The following KCNQ3 variants were observed in gnomAD, a reference collection of about 807,000 sequenced individuals.
The protein encoded by KCNQ3 is potassium voltage-gated channel subfamily KQT member 3.
In KCNQ3, 30 loss-of-function variants were observed where a neutral mutation model predicts 92.5. The ratio of observed to expected loss-of-function variants is 0.32; its 90% CI spans 0.24 to 0.44. The LOEUF is 0.44. KCNQ3 is among the 20% of genes least tolerant of loss of function. The pLI is 1.00. For synonymous variants in KCNQ3, 450 were observed against 468.8 expected (o/e 0.96, Z 0.52); for missense variants, 913 against 1,140.3 (o/e 0.80, Z 2.87).
chr8:132,249,874 G>A (rs376453057), intron 1 of KCNQ3, among the ~76,000 whole-genome samples: 90 of 152,294 alleles, frequency 5.9e-4, no homozygotes, highest in African/African-American at 2.1e-3. Flanking sequence ...GGGACCCAGT[G>A]CACCCTCCGC....
At chr8:132,367,551 A>G (rs1366410486) in intron 1 of KCNQ3, among the ~76,000 whole-genome samples, 1 of 152,246 alleles carries the variant, frequency 6.6e-6, no homozygotes. Flanking sequence ...TTAAGCTACT[A>G]GGTGGACTTT....
chr8:132,201,176 G>A (rs770052862), intron 1 of KCNQ3, among the ~76,000 whole-genome samples: 1 of 152,056 alleles, frequency 6.6e-6, no homozygotes, highest in Non-Finnish European at 1.5e-5. Flanking sequence ...TCATCACCTC[G>A]TAAAGGTCCC....
intron 8 of KCNQ3, among the ~76,000 whole-genome samples, chr8:132,168,138 C>A (rs1419152046): frequency 6.6e-6 from 1 of 152,174 alleles, no homozygotes; most frequent in Non-Finnish European, 1.5e-5. Flanking sequence ...GTCCCTTTTG[C>A]CTGTTCTCTT....
At chr8:132,178,821 T>C (rs1236062684) in intron 4 of KCNQ3, among the ~76,000 whole-genome samples, 1 of 151,682 alleles carries the variant, frequency 6.6e-6, no homozygotes, top group Non-Finnish European at 1.5e-5. Flanking sequence ...AGCTCCTTAA[T>C]GTCAAATTGC....
intron 1 of KCNQ3, 149 bp from the exon 2 acceptor site, chr8:132,186,330 G>A (rs1010011079): frequency 1.0e-5 from 7 of 680,104 alleles, no homozygotes; most frequent in African/African-American, 1.8e-5. Context: ...CAATCTTCAC[G>A]ACAAACCTGC....
At chr8:132,364,686 C>T (rs879337581) in intron 1 of KCNQ3, among the ~76,000 whole-genome samples, 7,786 of 114,504 alleles carry the variant, frequency 0.068, 392 homozygotes, top group African/African-American at 0.21. Flanking sequence ...GACGGACGGA[C>T]GGACGGACGG....
chr8:132,364,768 A>G (rs910432575), intron 1 of KCNQ3, among the ~76,000 whole-genome samples: 5 of 152,096 alleles, frequency 3.3e-5, no homozygotes, highest in African/African-American at 1.2e-4. Context: ...GGGTGGATGG[A>G]TGGGTGAGTC....
In KCNQ3 at chr8:132,465,727, G is replaced by A. The variant is rs146712647; in HGVS notation, c.386+14420C>T. 7.2e-3 allele frequency among the ~76,000 whole-genome samples: 1,100 copies of A among 152,068 alleles called. 5 individuals are homozygous for A. The highest frequency in any genetic ancestry group is 0.025 in the African/African-American group (1,028 of 41,478). On this transcript the variant is annotated intron_variant, in intron 1 of 14. Transcript: ENST00000388996. The stretch of plus-strand genomic sequence containing the variant: ...CCACTGCACTCCAGCCTGGGCAACA[G>A]AGCGAAACTCCGTCTCAAAAACAAA...
intron 1 of KCNQ3, among the ~76,000 whole-genome samples, chr8:132,197,757 G>A (rs1022037071): frequency 6.6e-6 from 1 of 152,154 alleles, no homozygotes; most frequent in African/African-American, 2.4e-5. Context: ...TGTGGACTGA[G>A]GTCTCATCAC....
intron 1 of KCNQ3, among the ~76,000 whole-genome samples, chr8:132,386,613 G>C (rs1423122649): frequency 1.1e-4 from 16 of 151,980 alleles, no homozygotes; most frequent in Admixed American, 1.0e-3. Context: ...TTTCCTATTG[G>C]TTTCAAATAA....
chr8:132,240,889 A>ATTTTTTTTTTTTTTTTTTTT (rs34829586), intron 1 of KCNQ3, among the ~76,000 whole-genome samples: 1 of 149,938 alleles, frequency 6.7e-6, no homozygotes, highest in Non-Finnish European at 1.5e-5. Context: ...GCTAGCTACA[A>ATTTTTTTTTTTTTTTTTTTT]TTTTTTTTTT....
At chr8:132,443,242 C>A (rs1821584648) in intron 1 of KCNQ3, among the ~76,000 whole-genome samples, 2 of 152,144 alleles carry the variant, frequency 1.3e-5, no homozygotes, top group African/African-American at 2.4e-5. Flanking sequence ...GAATCACACC[C>A]CTCCCCATCC....
At chr8:132,260,050 G>A (rs1447956783) in intron 1 of KCNQ3, among the ~76,000 whole-genome samples, 6 of 152,120 alleles carry the variant, frequency 3.9e-5, no homozygotes, top group African/African-American at 1.4e-4. Context: ...AGAAGATTTA[G>A]CATTGTTAAG....
intron 1 of KCNQ3, among the ~76,000 whole-genome samples, chr8:132,260,322 G>A (rs535659838): frequency 2.0e-5 from 3 of 152,274 alleles, no homozygotes; most frequent in Non-Finnish European, 2.9e-5. Context: ...ATATGAATAT[G>A]TATTCATTCA....
chr8:132,356,277 C>T (rs186808245), intron 1 of KCNQ3, among the ~76,000 whole-genome samples: 2 of 152,280 alleles, frequency 1.3e-5, no homozygotes, highest in East Asian at 3.9e-4. Flanking sequence ...CAAGTTTCTA[C>T]AAGAAAAATG....
chr8:132,384,703 A>C (rs1165542918), intron 1 of KCNQ3, among the ~76,000 whole-genome samples: 1 of 152,246 alleles, frequency 6.6e-6, no homozygotes, highest in East Asian at 1.9e-4. Flanking sequence ...CAGGAAAAGT[A>C]AGAGCAGGAC....
intron 1 of KCNQ3, among the ~76,000 whole-genome samples, chr8:132,241,216 C>G (rs879916421): frequency 1.3e-5 from 2 of 152,056 alleles, no homozygotes; most frequent in Non-Finnish European, 2.9e-5. Flanking sequence ...TTCTTATAAC[C>G]ATTTTACAGA....
intron 1 of KCNQ3, among the ~76,000 whole-genome samples, chr8:132,363,271 G>C (rs1382243636): frequency 6.6e-6 from 1 of 152,186 alleles, no homozygotes; most frequent in African/African-American, 2.4e-5. Context: ...TGGAAAATGA[G>C]TTTGGAAAAG....
At chr8:132,260,390 G>A (rs796281598) in intron 1 of KCNQ3, among the ~76,000 whole-genome samples, 39 of 152,190 alleles carry the variant, frequency 2.6e-4, no homozygotes, top group African/African-American at 8.7e-4. Flanking sequence ...TATGAGCTGG[G>A]AACACAGTCA....
Sources: allele counts gnomAD v4.1 joint callset (sites outside exome capture counted in the v4.1 genomes callset), GRCh38; gene constraint gnomAD v4.1.1; transcripts MANE v1.5; gene names NCBI Gene and HGNC (gene_info 2026-07-23, HGNC 2026-07-21).